RHOU: variants seen among roughly 807,000 people sequenced by gnomAD.
RHOU encodes rho-related GTP-binding protein RhoU.
RHOU carries 8 observed loss-of-function variants against 12.6 expected under a neutral mutation model. The observed-to-expected ratio is 0.64, with a 90% CI of 0.37 to 1.15. The LOEUF (loss-of-function observed/expected upper bound fraction) is 1.15. RHOU is among the 50% of genes most tolerant of loss of function. The probability of loss-of-function intolerance (pLI) is 0.01; values close to 1 mark genes in which losing one functional copy is unlikely to be tolerated. For missense variants in RHOU, 258 were observed against 347.0 expected (o/e 0.74, Z 2.04); for synonymous variants, 161 against 147.4 (o/e 1.09, Z -0.67).
the RHOU span, among the ~76,000 whole-genome samples, chr1:228,725,218 A>G: frequency 6.6e-6 from 1 of 152,318 alleles, no homozygotes. Context: ...GGAGTCCCAA[A>G]GGGCAGAGTT....
chr1:228,741,134 A>T (rs1006997565), intron 2 of RHOU, among the ~76,000 whole-genome samples: 1 of 152,068 alleles, frequency 6.6e-6, no homozygotes, highest in East Asian at 1.9e-4. Context: ...AGAGGGATGT[A>T]GAATCCAGTC....
chr1:228,737,598 G>GT lies in RHOU; in HGVS notation c.263-75_263-74insT, dbSNP rs1295277239. 3 of 1,388,948 alleles carry GT rather than the reference G, an allele frequency of 2.2e-6. No individual in the cohort carries two copies. In the African/African-American group the frequency reaches 4.3e-5, roughly 20 times the overall value. The allele number at this position is 1,388,948 out of a possible 1,614,324, so 86.0% of individuals were successfully genotyped here. ...AGGGGTTTGGAGTGAGAATGATAGT[G>GT]AAAGCTAAAACTATTAGTATTCCGA... On this transcript the variant is annotated intron_variant, in intron 1 of 2. Coordinates refer to ENST00000366691, the MANE Select transcript of RHOU (RefSeq NM_021205.6). The surrounding 1 kb of genome is among the most constrained non-coding windows in gnomAD (Gnocchi z 4.1).
At position 228,745,495 on chromosome 1, in the gene RHOU, A is replaced by G. The variant is rs1056093776; in HGVS notation, c.*1755A>G. 2.0e-5 allele frequency: 3 copies of G among 152,242 alleles called. No homozygotes were observed. Among genetic ancestry groups the G allele is most frequent in the Non-Finnish European group, 4.4e-5 (3 of 68,030 alleles). 9.4% of individuals were successfully genotyped at this position (152,242 alleles called of 1,614,324 possible). On this transcript the variant is annotated 3_prime_UTR_variant, in exon 3 of 3. Coordinates refer to ENST00000366691, the MANE Select transcript of RHOU (RefSeq NM_021205.6). Reference sequence around the variant, plus strand: ...GGTTATACTTTAGGTTAGGGGTTCTATTTATTCCTGTTAGTAAATAAAATT... The same window carrying G: ...GGTTATACTTTAGGTTAGGGGTTCTGTTTATTCCTGTTAGTAAATAAAATT...
At chr1:228,650,312 T>C in the RHOU span, 3 of 464,422 alleles carry the variant, frequency 6.5e-6, no homozygotes, top group Non-Finnish European at 1.3e-5. Flanking sequence ...GCGGGCTGGA[T>C]GGTGCTTGGC....
At chr1:228,661,330 A>G in the RHOU span, among the ~76,000 whole-genome samples, 6 of 152,324 alleles carry the variant, frequency 3.9e-5, no homozygotes, top group South Asian at 2.1e-4. Flanking sequence ...GGAAAAAACT[A>G]CTTTAAAGTT....
chr1:228,672,685 G>A, the RHOU span, among the ~76,000 whole-genome samples: 1 of 152,086 alleles, frequency 6.6e-6, no homozygotes, highest in Non-Finnish European at 1.5e-5. Flanking sequence ...TAAACTACCT[G>A]GATACACTAT....
chr1:228,681,454 C>T, the RHOU span, among the ~76,000 whole-genome samples: 5 of 151,860 alleles, frequency 3.3e-5, no homozygotes, highest in Admixed American at 6.6e-5. Flanking sequence ...GACTCAGTGA[C>T]GACTGGGGTT....
the RHOU span, among the ~76,000 whole-genome samples, chr1:228,660,662 G>A: frequency 0.015 from 2,324 of 151,770 alleles, 61 homozygotes; most frequent in African/African-American, 0.052. Context: ...GCCTGGGTGC[G>A]GTGGCTCACA....
chr1:228,724,751 A>T, the RHOU span, among the ~76,000 whole-genome samples: 3 of 152,218 alleles, frequency 2.0e-5, no homozygotes, highest in African/African-American at 7.2e-5. Context: ...TTGTACCCTG[A>T]AAAGGTTGTA....
chr1:228,730,408 C>G, the RHOU span, among the ~76,000 whole-genome samples: 1 of 152,152 alleles, frequency 6.6e-6, no homozygotes, highest in Non-Finnish European at 1.5e-5. Context: ...TCTGGGTCAG[C>G]AGAGCCAGCA....
At chr1:228,664,156 T>A in the RHOU span, among the ~76,000 whole-genome samples, 1 of 151,512 alleles carries the variant, frequency 6.6e-6, no homozygotes, top group Non-Finnish European at 1.5e-5. Context: ...TAGCTGGGAC[T>A]ACAGATGTGT....
the RHOU span, among the ~76,000 whole-genome samples, chr1:228,707,253 ATAGT>A: frequency 0.1 from 7,864 of 76,666 alleles, 303 homozygotes; most frequent in East Asian, 0.27. Context: ...ATATATATAT[ATAGT>A]GTGTGTGTGT....
At chr1:228,655,659 A>C in the RHOU span, among the ~76,000 whole-genome samples, 158 of 152,370 alleles carry the variant, frequency 1.0e-3, no homozygotes, top group Middle Eastern at 6.8e-3. Context: ...CCTTGAACAC[A>C]GGGCTAGACC....
chr1:228,659,162 T>C, the RHOU span, among the ~76,000 whole-genome samples: 1 of 152,188 alleles, frequency 6.6e-6, no homozygotes, highest in Non-Finnish European at 1.5e-5. Context: ...GCGGATCACC[T>C]GAGGTCAGGA....
chr1:228,662,320 C>T, the RHOU span, among the ~76,000 whole-genome samples: 2 of 152,148 alleles, frequency 1.3e-5, no homozygotes, highest in Non-Finnish European at 2.9e-5. Flanking sequence ...CCCAGCGATC[C>T]CATTACTGGG....
At chr1:228,658,073 A>T in the RHOU span, among the ~76,000 whole-genome samples, 1 of 152,060 alleles carries the variant, frequency 6.6e-6, no homozygotes, top group Non-Finnish European at 1.5e-5. Flanking sequence ...TGAGCCCAGG[A>T]GTTTAAGACC....
In RHOU at chr1:228,744,001, C is replaced by T. The variant is rs188730271; in HGVS notation, c.*261C>T. ...TCTCTGGAAATTTAGAGTTCTAGAC[C>T]TCTGGTTAATTTATATCTAATATGA... On this transcript the variant is annotated 3_prime_UTR_variant, in exon 3 of 3. Coordinates refer to ENST00000366691, the MANE Select transcript of RHOU (RefSeq NM_021205.6). 2.1e-5 allele frequency: 8 copies of T among 385,986 alleles called. No individual in the cohort carries two copies. 23.9% of individuals were successfully genotyped at this position (385,986 alleles called of 1,614,324 possible). A position where few individuals can be genotyped will look rare whatever the true frequency, so the allele number is the denominator to read the frequency against.
At chr1:228,697,150 C>A in the RHOU span, among the ~76,000 whole-genome samples, 2 of 152,168 alleles carry the variant, frequency 1.3e-5, no homozygotes, top group Non-Finnish European at 2.9e-5. Context: ...CAGCCTTCTG[C>A]ATGCTGAATA....
At chr1:228,677,401 G>A in the RHOU span, among the ~76,000 whole-genome samples, 13 of 152,172 alleles carry the variant, frequency 8.5e-5, no homozygotes, top group Admixed American at 2.0e-4. Flanking sequence ...TGGTTGGCAA[G>A]TTTTTGGGCT....
Sources: gnomAD v4.1 joint callset for allele counts (sites outside exome capture counted in the v4.1 genomes callset) on GRCh38, gnomAD v4.1.1 for gene constraint, Gnocchi (gnomAD v3.1) non-coding constraint, MANE v1.5 for transcripts, NCBI Gene and HGNC (gene_info 2026-07-23, HGNC 2026-07-21) for gene names.